The following JMJD1C variants were observed in gnomAD, a reference collection of about 807,000 sequenced individuals.
The protein encoded by JMJD1C is jumonji domain containing 1C.
In JMJD1C, 31 loss-of-function variants were observed where a neutral mutation model predicts 245.3. That is an observed-to-expected ratio of 0.13 (90% CI 0.09 to 0.17). The LOEUF is 0.17. Among genes scored for constraint, JMJD1C ranks in the 10% least tolerant of loss-of-function variants. The probability of loss-of-function intolerance (pLI) is 1.00; values close to 1 mark genes in which losing one functional copy is unlikely to be tolerated. For missense variants in JMJD1C, 2,691 were observed against 3,000.2 expected (o/e 0.90, Z 2.41); for synonymous variants, 1,057 against 1,017.4 (o/e 1.04, Z -0.74).
At chr10:63,204,501 T>C in intron 10 of JMJD1C, 2 of 985,422 alleles carry the variant, frequency 2.0e-6, no homozygotes, top group African/African-American at 3.5e-5. Context: ...TTTGTTTTTG[T>C]TTTTTAAGTT....
chr10:63,472,244 CA>C (rs34799645), intron 1 of JMJD1C, among the ~76,000 whole-genome samples: 1 of 151,998 alleles, frequency 6.6e-6, no homozygotes, highest in Admixed American at 6.5e-5. Context: ...ATTCTAGCTA[CA>C]AAAATTATCT....
chr10:63,279,385 A>G (rs1857163268), intron 2 of JMJD1C, among the ~76,000 whole-genome samples: 1 of 152,382 alleles, frequency 6.6e-6, no homozygotes, highest in South Asian at 2.1e-4. Context: ...TTAAAAAGCT[A>G]AAATAAGGAT....
intron 1 of JMJD1C, among the ~76,000 whole-genome samples, chr10:63,456,677 T>C (rs1952435742): frequency 6.6e-6 from 1 of 152,176 alleles, no homozygotes; most frequent in Non-Finnish European, 1.5e-5. Flanking sequence ...GAATGCTGAC[T>C]ATTCCTACTG....
intron 2 of JMJD1C, among the ~76,000 whole-genome samples, chr10:63,354,400 ATTAT>A (rs1944627297): frequency 6.6e-6 from 1 of 152,092 alleles, no homozygotes; most frequent in Non-Finnish European, 1.5e-5. Context: ...AATGTACTGT[ATTAT>A]TTACTGTGTC....
intron 1 of JMJD1C, among the ~76,000 whole-genome samples, chr10:63,478,071 C>T (rs1355211292): frequency 6.6e-6 from 1 of 151,980 alleles, no homozygotes; most frequent in Non-Finnish European, 1.5e-5. Flanking sequence ...AACTCTCATA[C>T]AGTGCTGACT....
intron 2 of JMJD1C, among the ~76,000 whole-genome samples, chr10:63,309,019 G>A (rs1465836834): frequency 1.3e-5 from 2 of 151,978 alleles, no homozygotes; most frequent in Admixed American, 6.6e-5. Flanking sequence ...CTTTTACAAT[G>A]GTCCATCTTC....
intron 2 of JMJD1C, among the ~76,000 whole-genome samples, chr10:63,322,802 CAAAAA>C (rs58263377): frequency 1.5e-4 from 11 of 73,778 alleles, no homozygotes; most frequent in Admixed American, 1.5e-3. Flanking sequence ...GATTCCATCT[CAAAAA>C]AAAAAAAAAA....
intron 17 of JMJD1C, among the ~76,000 whole-genome samples, chr10:63,190,631 CAAAT>C (rs1476538662): frequency 6.6e-6 from 1 of 152,060 alleles, no homozygotes; most frequent in Admixed American, 6.6e-5. Flanking sequence ...CTTCACTAGA[CAAAT>C]AGTTTCCAAA....
At chr10:63,283,008 C>T (rs997866782) in intron 2 of JMJD1C, among the ~76,000 whole-genome samples, 7 of 152,206 alleles carry the variant, frequency 4.6e-5, no homozygotes, top group Non-Finnish European at 7.3e-5. Context: ...TGAGCCACAG[C>T]GCCCAGCCCT....
At chr10:63,382,777 C>T in intron 1 of JMJD1C, 1 of 455,844 alleles carries the variant, frequency 2.2e-6, no homozygotes, top group South Asian at 1.5e-5. Flanking sequence ...CCTAATTCTG[C>T]CACCCATCTT....
chr10:63,168,831 G>A (rs1396838337), intron 24 of JMJD1C, among the ~76,000 whole-genome samples: 1 of 152,040 alleles, frequency 6.6e-6, no homozygotes, highest in Non-Finnish European at 1.5e-5. Flanking sequence ...TGGAGAGGCT[G>A]ATAACCAGAT....
In JMJD1C at chr10:63,189,300, T is replaced by TG; in HGVS notation, c.6437dup (p.Val2147SerfsTer3). The TG allele has an allele frequency of 6.2e-7, 1 of 1,613,890 alleles. No individual in the cohort carries two copies. The highest frequency in any genetic ancestry group is 8.5e-7 in the Non-Finnish European group (1 of 1,179,856). ...TGTATAATTTATTATTTTCATCCACTGCAGATATTATGCTTTCTTCAGGCT... is the reference window on the plus strand; with the variant it reads ...TGTATAATTTATTATTTTCATCCACTGGCAGATATTATGCTTTCTTCAGGCT... On this transcript the variant is annotated frameshift_variant, in exon 18 of 26. Coordinates refer to ENST00000399262, the MANE Select transcript of JMJD1C (RefSeq NM_032776.3). LOFTEE classifies it high-confidence loss of function.
At chr10:63,192,497 G>A (rs1228154049) in intron 16 of JMJD1C, among the ~76,000 whole-genome samples, 2 of 152,148 alleles carry the variant, frequency 1.3e-5, no homozygotes, top group Non-Finnish European at 2.9e-5. Flanking sequence ...AAACCTGGGA[G>A]GCAGAGATTG....
chr10:63,338,135 G>T (rs1943021710), intron 2 of JMJD1C, among the ~76,000 whole-genome samples: 1 of 152,062 alleles, frequency 6.6e-6, no homozygotes, highest in Non-Finnish European at 1.5e-5. Flanking sequence ...GAGTAAATCT[G>T]AATATCATCA....
At chr10:63,229,557 C>T (rs1198158427) in intron 3 of JMJD1C, among the ~76,000 whole-genome samples, 3 of 151,958 alleles carry the variant, frequency 2.0e-5, no homozygotes, top group African/African-American at 7.3e-5. Flanking sequence ...TATTTACATT[C>T]TGCAACTAGA....
chr10:63,176,232 A>ATTTTTTTTTTT, intron 24 of JMJD1C, 65 bp downstream of exon 24: 1 of 1,217,692 alleles, frequency 8.2e-7, no homozygotes, highest in Non-Finnish European at 1.1e-6. Context: ...ACTAAGAGCA[A>ATTTTTTTTTTT]TTTTTTTTTC....
At chr10:63,489,138 G>A (rs1176169308) in intron 1 of JMJD1C, among the ~76,000 whole-genome samples, 3 of 152,120 alleles carry the variant, frequency 2.0e-5, no homozygotes, top group African/African-American at 4.8e-5. Context: ...AGTGGCTCAC[G>A]CCTGTAATCC....
intron 2 of JMJD1C, among the ~76,000 whole-genome samples, chr10:63,305,433 T>C (rs546311318): frequency 6.9e-6 from 1 of 145,870 alleles, no homozygotes; most frequent in South Asian, 2.2e-4. Context: ...CACTCCAGCC[T>C]GGATGACATG....
intron 2 of JMJD1C, among the ~76,000 whole-genome samples, chr10:63,356,257 C>T (rs1344148926): frequency 1.3e-5 from 2 of 152,114 alleles, no homozygotes; most frequent in Non-Finnish European, 1.5e-5. Flanking sequence ...ACAAACACAA[C>T]GTTATGTCTG....
Sources: gnomAD v4.1 joint callset for allele counts (sites outside exome capture counted in the v4.1 genomes callset) on GRCh38, gnomAD v4.1.1 for gene constraint, MANE v1.5 for transcripts, NCBI Gene and HGNC (gene_info 2026-07-23, HGNC 2026-07-21) for gene names.